MYO1F: variants seen among roughly 807,000 people sequenced by gnomAD.
MYO1F encodes the protein myosin IF.
In MYO1F, 60 loss-of-function variants were observed where a neutral mutation model predicts 146.6. The ratio of observed to expected loss-of-function variants is 0.41; its 90% CI spans 0.33 to 0.51. MYO1F has a LOEUF of 0.51. Among genes scored for constraint, MYO1F ranks in the 20% least tolerant of loss-of-function variants. The pLI is 0.25. For missense variants in MYO1F, 1,274 were observed against 1,534.3 expected (o/e 0.83, Z 2.83); for synonymous variants, 602 against 602.1 (o/e 1.00, Z 0.00).
chr19:8,528,434 A>G (rs1453510986), intron 21 of MYO1F, among the ~76,000 whole-genome samples: 1 of 152,034 alleles, frequency 6.6e-6, no homozygotes, highest in African/African-American at 2.4e-5. Flanking sequence ...AGGCTGAGGC[A>G]GGAGAATTGC....
chr19:8,526,731 A>T (rs1225144417), intron 23 of MYO1F, 58 bp downstream of exon 23: 1 of 1,544,470 alleles, frequency 6.5e-7, no homozygotes, highest in Non-Finnish European at 8.7e-7. Flanking sequence ...GTGGGGCGGG[A>T]GAGGGTGCGC....
chr19:8,555,376 CAAAAAAAAAAAAAAA>C (rs886749061), intron 2 of MYO1F: 3,866 of 100,344 alleles, frequency 0.039, 44 homozygotes, highest in African/African-American at 0.052. Flanking sequence ...GACTCCGTCT[CAAAAAAAAAAAAAAA>C]AAAAAAAAAA....
At chr19:8,531,150 C>A (rs1431303683) in intron 19 of MYO1F, among the ~76,000 whole-genome samples, 2 of 151,956 alleles carry the variant, frequency 1.3e-5, no homozygotes, top group Non-Finnish European at 2.9e-5. Context: ...GAGTTTGAGA[C>A]CAGCCTGATC....
Position 8,574,595 on chromosome 19 carries a change from CTCTTTCTTTCTTTCTT to C in MYO1F, c.3+2696_3+2711del, listed in dbSNP as rs58145523. On this transcript the variant is annotated intron_variant, in intron 1 of 27. Transcript: ENST00000644032. ...TCTTTCTTTCTCTCTCTCTCTCTCT[CTCTTTCTTTCTTTCTT>C]TCTTTCTTTCTTTCTTTCTTTCTTT... Among the ~76,000 whole-genome samples the C allele has an allele frequency of 3.6e-3, 378 of 105,860 alleles. 4 individuals carry two copies. Among genetic ancestry groups the C allele is most frequent in the African/African-American group, 7.0e-3 (164 of 23,570 alleles). 69.4% of individuals were successfully genotyped at this position (105,860 alleles called of 152,430 possible). A position where few individuals can be genotyped will look rare whatever the true frequency, so the allele number is the denominator to read the frequency against.
intron 1 of MYO1F, among the ~76,000 whole-genome samples, chr19:8,569,921 A>AT (rs796651480): frequency 6.6e-6 from 1 of 151,714 alleles, no homozygotes; most frequent in Middle Eastern, 3.4e-3. Context: ...GGTGCCTGTT[A>AT]TTTTTTTTGG....
chr19:8,528,907 T>C (rs1018488498), intron 21 of MYO1F, among the ~76,000 whole-genome samples: 1 of 151,960 alleles, frequency 6.6e-6, no homozygotes, highest in African/African-American at 2.4e-5. Context: ...GAAGGGTGAA[T>C]GTGCAAGCCG....
intron 1 of MYO1F, among the ~76,000 whole-genome samples, chr19:8,569,595 G>A (rs1384999544): frequency 6.6e-6 from 1 of 152,106 alleles, no homozygotes; most frequent in Non-Finnish European, 1.5e-5. Flanking sequence ...CCCAGAACCT[G>A]CCCTTGGGGG....
At chr19:8,537,546 A>T (rs1431627721) in intron 16 of MYO1F, among the ~76,000 whole-genome samples, 1 of 152,040 alleles carries the variant, frequency 6.6e-6, no homozygotes, top group Non-Finnish European at 1.5e-5. Context: ...GATCCAAGAG[A>T]TCCTTCTGCC....
chr19:8,535,095 A>G (rs928033188), intron 19 of MYO1F, among the ~76,000 whole-genome samples: 1 of 152,054 alleles, frequency 6.6e-6, no homozygotes, highest in African/African-American at 2.4e-5. Flanking sequence ...TACTTTTAAT[A>G]GAGAAGGGGT....
intron 2 of MYO1F, chr19:8,555,281 A>T (rs1973796192): frequency 3.6e-6 from 1 of 275,642 alleles, no homozygotes; most frequent in Non-Finnish European, 7.0e-6. Flanking sequence ...GAGGCAGGAG[A>T]ATCATTTGAA....
rs1344919720 is a variant in MYO1F, at chr19:8,521,481, C to A, written c.*47G>T. On this transcript the variant is annotated 3_prime_UTR_variant, in exon 28 of 28. Coordinates refer to ENST00000644032, the MANE Select transcript of MYO1F (RefSeq NM_012335.4). ...AGGGCCTGGCTCCCCACCAGGCCGG[C>A]AGGCAGATAGGCGGGCGAAAGAGAA... 1.3e-6 allele frequency: 2 copies of A among 1,597,702 alleles called. No individual in the cohort carries two copies. The highest frequency in any genetic ancestry group is 2.7e-5 in the African/African-American group (2 of 74,674).
chr19:8,523,222 A>G (rs1213286976), intron 25 of MYO1F, among the ~76,000 whole-genome samples: 5 of 151,900 alleles, frequency 3.3e-5, no homozygotes, highest in Admixed American at 1.3e-4. Flanking sequence ...TTTAGTAGAG[A>G]CGGAGTTTCA....
intron 4 of MYO1F, among the ~76,000 whole-genome samples, 161 bp downstream of exon 4, chr19:8,554,316 G>A (rs554727595): frequency 2.0e-5 from 3 of 152,152 alleles, no homozygotes; most frequent in East Asian, 1.9e-4. Context: ...AAAATACATC[G>A]TGAGTCAGAT....
intron 4 of MYO1F, 146 bp downstream of exon 4, chr19:8,554,331 A>T (rs750713662): frequency 1.4e-5 from 11 of 778,430 alleles, no homozygotes; most frequent in Non-Finnish European, 2.5e-5. Context: ...TCAGATGGTG[A>T]CAAGGAAAAT....
intron 1 of MYO1F, among the ~76,000 whole-genome samples, chr19:8,562,243 C>T (rs969158063): frequency 2.6e-5 from 4 of 151,922 alleles, no homozygotes; most frequent in East Asian, 1.9e-4. Flanking sequence ...CCTCGTTACC[C>T]GCCCGCCTTG....
chr19:8,566,418 C>G (rs1229694786), intron 1 of MYO1F, among the ~76,000 whole-genome samples: 1 of 151,866 alleles, frequency 6.6e-6, no homozygotes, highest in Non-Finnish European at 1.5e-5. Context: ...CCACCCGCCT[C>G]GGCCTCCCAA....
intron 4 of MYO1F, among the ~76,000 whole-genome samples, chr19:8,553,946 C>G (rs1343377009): frequency 7.5e-6 from 1 of 133,964 alleles, no homozygotes; most frequent in Non-Finnish European, 1.7e-5. Context: ...TCTCTCTGCT[C>G]TCATAGAGCT....
chr19:8,567,104 C>G (rs1182599386), intron 1 of MYO1F, among the ~76,000 whole-genome samples: 1 of 150,404 alleles, frequency 6.6e-6, no homozygotes, highest in Non-Finnish European at 1.5e-5. Context: ...CTCTGTCGCC[C>G]AGGCTGGAAT....
chr19:8,528,132 G>A (rs556810756), intron 21 of MYO1F, among the ~76,000 whole-genome samples: 1 of 152,296 alleles, frequency 6.6e-6, no homozygotes, highest in East Asian at 1.9e-4. Flanking sequence ...TGAGACAGGA[G>A]AATCGCTTGA....
Sources: gnomAD v4.1 joint callset for allele counts (sites outside exome capture counted in the v4.1 genomes callset) on GRCh38, gnomAD v4.1.1 for gene constraint, MANE v1.5 for transcripts, NCBI Gene and HGNC (gene_info 2026-07-23, HGNC 2026-07-21) for gene names.